Variants in CFAP210 observed in about 807,000 individuals in gnomAD.
CFAP210 encodes cilia and flagella associated protein 210.
At chr2:169,669,348 G>T in the CFAP210 span, among the ~76,000 whole-genome samples, 1 of 152,226 alleles carries the variant, frequency 6.6e-6, no homozygotes, top group African/African-American at 2.4e-5. Context: ...GCCTTGGAGG[G>T]GATGTCAAAT....
At chr2:169,660,376 C>A in the CFAP210 span, among the ~76,000 whole-genome samples, 1 of 148,838 alleles carries the variant, frequency 6.7e-6, no homozygotes, top group Non-Finnish European at 1.5e-5. Context: ...GTTGACAGAG[C>A]AAGACTCTGT....
the CFAP210 span, among the ~76,000 whole-genome samples, chr2:169,678,151 A>C: frequency 6.6e-6 from 1 of 151,082 alleles, no homozygotes; most frequent in Non-Finnish European, 1.5e-5. Context: ...GACCAGCCTG[A>C]CCAACATAAA....
the CFAP210 span, chr2:169,650,361 A>G: frequency 6.3e-7 from 1 of 1,596,850 alleles, no homozygotes; most frequent in South Asian, 1.2e-5. Flanking sequence ...ATTGTTTTTA[A>G]TTCTGCTTTG....
the CFAP210 span, among the ~76,000 whole-genome samples, chr2:169,653,066 A>G: frequency 2.1e-5 from 2 of 95,934 alleles, no homozygotes; most frequent in African/African-American, 3.9e-5. Context: ...ATATATATAT[A>G]TGTATGTGTG....
chr2:169,694,183 A>T, the CFAP210 span: 2 of 1,402,992 alleles, frequency 1.4e-6, no homozygotes, highest in East Asian at 2.3e-5. Flanking sequence ...TGAAGCCCTC[A>T]TTCGGCATCC....
At chr2:169,662,508 A>T in the CFAP210 span, 1 of 1,306,830 alleles carries the variant, frequency 7.7e-7, no homozygotes, top group Non-Finnish European at 1.0e-6. Flanking sequence ...AATGAATTCA[A>T]TTCCAACCTG....
chr2:169,683,832 G>A, the CFAP210 span, among the ~76,000 whole-genome samples: 1 of 152,050 alleles, frequency 6.6e-6, no homozygotes, highest in African/African-American at 2.4e-5. Context: ...AAAGAGAACA[G>A]CCACAAATGT....
chr2:169,653,715 C>T, the CFAP210 span, among the ~76,000 whole-genome samples: 15 of 152,196 alleles, frequency 9.9e-5, no homozygotes, highest in East Asian at 1.7e-3. Flanking sequence ...TATTGGTCTT[C>T]GTGTTATCTT....
the CFAP210 span, among the ~76,000 whole-genome samples, chr2:169,651,226 GAAAAAA>G: frequency 2.4e-4 from 25 of 102,052 alleles, no homozygotes; most frequent in Non-Finnish European, 3.3e-4. Flanking sequence ...GACTCTGTCT[GAAAAAA>G]AAAAAAAAAA....
At chr2:169,659,110 C>T in the CFAP210 span, 1 of 152,092 alleles carries the variant, frequency 6.6e-6, no homozygotes, top group African/African-American at 2.4e-5. Flanking sequence ...CAGAGCAAGA[C>T]CCTATCTCAA....
At chr2:169,682,837 T>G in the CFAP210 span, among the ~76,000 whole-genome samples, 1 of 152,202 alleles carries the variant, frequency 6.6e-6, no homozygotes, top group African/African-American at 2.4e-5. Context: ...TAGATAAAAT[T>G]ATTTTACCCT....
the CFAP210 span, among the ~76,000 whole-genome samples, chr2:169,690,103 G>A: frequency 6.6e-6 from 1 of 152,036 alleles, no homozygotes; most frequent in East Asian, 1.9e-4. Flanking sequence ...CAAATTCCTG[G>A]CCTCAAGTGG....
the CFAP210 span, among the ~76,000 whole-genome samples, chr2:169,686,132 G>A: frequency 1.3e-5 from 2 of 152,066 alleles, no homozygotes; most frequent in East Asian, 3.9e-4. Flanking sequence ...GATCCTTCTG[G>A]CCACAACCAC....
chr2:169,691,462 G>C, the CFAP210 span, among the ~76,000 whole-genome samples: 4 of 152,036 alleles, frequency 2.6e-5, no homozygotes, highest in Non-Finnish European at 4.4e-5. Context: ...GGTCAGTTGG[G>C]GGGGCAGTCT....
At chr2:169,660,866 G>T in the CFAP210 span, 1 of 326,022 alleles carries the variant, frequency 3.1e-6, no homozygotes, top group Non-Finnish European at 6.0e-6. Context: ...GCCTCCCAAA[G>T]TGCTAGGATT....
At chr2:169,691,425 TACA>T in the CFAP210 span, among the ~76,000 whole-genome samples, 2 of 152,184 alleles carry the variant, frequency 1.3e-5, no homozygotes, top group African/African-American at 4.8e-5. Flanking sequence ...CATCTGGGCT[TACA>T]ACAACTGCAA....
At chr2:169,694,394 T>C in the CFAP210 span, 1 of 1,490,656 alleles carries the variant, frequency 6.7e-7, no homozygotes, top group Non-Finnish European at 9.3e-7. Flanking sequence ...GTGGAGTTGT[T>C]ACTCGTACCA....
chr2:169,666,466 T>C, the CFAP210 span, among the ~76,000 whole-genome samples: 1 of 151,456 alleles, frequency 6.6e-6, no homozygotes, highest in Non-Finnish European at 1.5e-5. Context: ...CAATAAAGTA[T>C]AGTCACTCAA....
At chr2:169,663,264 CCTCTCT>C in the CFAP210 span, among the ~76,000 whole-genome samples, 5 of 144,860 alleles carry the variant, frequency 3.5e-5, 1 homozygote, top group East Asian at 9.8e-4. Flanking sequence ...CTCTATCTGC[CCTCTCT>C]CTCTTTTTTT....
Sources: gnomAD v4.1 joint callset for allele counts (sites outside exome capture counted in the v4.1 genomes callset) on GRCh38, gnomAD v4.1.1 for gene constraint, MANE v1.5 for transcripts, NCBI Gene and HGNC (gene_info 2026-07-23, HGNC 2026-07-21) for gene names.